The following SSX1 variants were observed in gnomAD, a reference collection of about 807,000 sequenced individuals.
SSX1 encodes the protein protein SSX1.
SSX1 carries 58 observed loss-of-function variants against 14.6 expected under a neutral mutation model. The observed-to-expected ratio is 3.96, with a 90% CI of 3.21 to 4.93. The LOEUF (loss-of-function observed/expected upper bound fraction) is 4.93. Ranked by LOEUF, SSX1 falls within the 30% of genes most tolerant of loss-of-function variation. The probability of loss-of-function intolerance (pLI) is 0.00; values close to 1 mark genes in which losing one functional copy is unlikely to be tolerated. For missense variants in SSX1, 272 were observed against 143.1 expected (o/e 1.90, Z -4.60); for synonymous variants, 46 against 52.1 (o/e 0.88, Z 0.50).
Position 48,266,392 on chromosome X carries a change from G to C in SSX1, c.*4+1G>C. On this transcript the variant is annotated splice_donor_variant, in intron 7 of 7. Coordinates refer to ENST00000376919, the MANE Select transcript of SSX1 (RefSeq NM_005635.4). LOFTEE classifies it low-confidence loss of function (3UTR_SPLICE). Reference sequence around the variant, plus strand: ...CCTGAGGAAGATGACGAGTAACTCCGTAAGTGAACCTTCGGCTCACCCTCC... The same window carrying C: ...CCTGAGGAAGATGACGAGTAACTCCCTAAGTGAACCTTCGGCTCACCCTCC... 8.3e-7 allele frequency: 1 copy of C among 1,210,207 alleles called. No individual in the cohort carries two copies. Among genetic ancestry groups the C allele is most frequent in the Non-Finnish European group, 1.1e-6 (1 of 895,353 alleles).
rs781826294 is a variant in SSX1, at chrX:48,263,937, G to A, written c.466+20G>A. ...GATCTGGTAAGAGGAAATGATTTGGGAACAACTTCTCTGGCTTTTCTGGCT... is the reference window on the plus strand; with the variant it reads ...GATCTGGTAAGAGGAAATGATTTGGAAACAACTTCTCTGGCTTTTCTGGCT... On this transcript the variant is annotated intron_variant, in intron 6 of 7. Coordinates refer to ENST00000376919, the MANE Select transcript of SSX1 (RefSeq NM_005635.4). 11 of 1,207,194 alleles carry A rather than the reference G, an allele frequency of 9.1e-6. No individual in the cohort carries two copies. Among genetic ancestry groups the A allele is most frequent in the Non-Finnish European group, 1.0e-5 (9 of 893,121 alleles).
At position 48,267,312 on chromosome X, in the gene SSX1, C is replaced by A. The variant is rs1240259547; in HGVS notation, c.*463C>A. 1.1e-5 allele frequency: 2 copies of A among 185,574 alleles called. No homozygotes were observed. Among genetic ancestry groups the A allele is most frequent in the Non-Finnish European group, 2.0e-5 (2 of 101,239 alleles). 15.3% of individuals were successfully genotyped at this position (185,574 alleles called of 1,213,427 possible). A position where few individuals can be genotyped will look rare whatever the true frequency, so the allele number is the denominator to read the frequency against. On this transcript the variant is annotated 3_prime_UTR_variant, in exon 8 of 8. Coordinates refer to ENST00000376919, the MANE Select transcript of SSX1 (RefSeq NM_005635.4). ...ACACACCAAGTACCAGTATAAGCAT[C>A]TCCCATCTGCTTTTCCCATTGCCAT...
At chrX:48,262,992 G>A (rs2059610107) in intron 5 of SSX1, among the ~76,000 whole-genome samples, 1 of 110,508 alleles carries the variant, frequency 9.0e-6, no homozygotes, top group Non-Finnish European at 1.9e-5. Context: ...AACTTAGCAG[G>A]GCGTGGTAGC....
intron 1 of SSX1, among the ~76,000 whole-genome samples, chrX:48,256,085 G>C (rs1411820135): frequency 9.5e-6 from 1 of 104,816 alleles, no homozygotes; most frequent in Non-Finnish European, 2.0e-5. Context: ...GCCGAACTGG[G>C]CTTGACCTCC....
rs1556935920 is a variant in SSX1, at chrX:48,263,772, C to G, written c.331-10C>G. On this transcript the variant is annotated splice_polypyrimidine_tract_variant and intron_variant, in intron 5 of 7. Coordinates refer to ENST00000376919, the MANE Select transcript of SSX1 (RefSeq NM_005635.4). ...TGATACTGTTTATCTGTAACCTTCA[C>G]ATTATAAAGATCATGCCCAAGAAGC... The G allele has an allele frequency of 2.5e-6, 3 of 1,210,733 alleles. No individual in the cohort carries two copies. In the East Asian group the frequency reaches 8.9e-5, roughly 36 times the overall value.
At position 48,263,821 on chromosome X, in the gene SSX1, A is replaced by T. The variant is rs1367942348; in HGVS notation, c.370A>T (p.Lys124Ter). ...KKPAEDENDS[K>*]GVSEASGPQN... ...GCCAGCAGAGGACGAAAATGATTCG[A>T]AGGGAGTGTCAGAAGCATCTGGCCC... Residue 124 changes from lysine to a stop codon, truncating the protein, a stop_gained, in exon 6 of 8, where the codon AAG becomes TAG. Transcript: ENST00000376919. LOFTEE classifies it high-confidence loss of function. 1 of 1,211,835 alleles carries T rather than the reference A, an allele frequency of 8.3e-7. No individual in the cohort carries two copies. Among genetic ancestry groups the T allele is most frequent in the Non-Finnish European group, 1.1e-6 (1 of 895,431 alleles).
chrX:48,261,642 A>G, intron 4 of SSX1, 124 bp from the exon 5 acceptor site: 1 of 780,697 alleles, frequency 1.3e-6, no homozygotes, highest in South Asian at 2.3e-5. Context: ...GCAAATCTCA[A>G]ATAACTCCTC....
chrX:48,263,754 G>A (rs2059613055), intron 5 of SSX1, 28 bp from the exon 6 acceptor site: 1 of 1,209,422 alleles, frequency 8.3e-7, no homozygotes. Flanking sequence ...CACTGATACT[G>A]TTTATCTGTA....
chrX:48,266,859 G>A lies in SSX1; in HGVS notation c.*10G>A. On this transcript the variant is annotated 3_prime_UTR_variant, in exon 8 of 8. Coordinates refer to ENST00000376919, the MANE Select transcript of SSX1 (RefSeq NM_005635.4). ...CTTCCCTCTTCTCGCCTCAGCCTGG[G>A]GGATACGACACATGCCCTTGATGAG... The A allele has an allele frequency of 9.2e-7, 1 of 1,085,533 alleles. No homozygotes were observed. Among genetic ancestry groups the A allele is most frequent in the South Asian group, 1.8e-5 (1 of 54,676 alleles). The allele number at this position is 1,085,533 out of a possible 1,213,427, so 89.5% of individuals were successfully genotyped here.
chrX:48,265,368 C>T (rs1344652092), intron 6 of SSX1, among the ~76,000 whole-genome samples: 5 of 111,761 alleles, frequency 4.5e-5, no homozygotes, highest in African/African-American at 1.3e-4. Context: ...TGAGAGAATG[C>T]GACTCTTCCT....
chrX:48,258,727 T>C, intron 4 of SSX1, 96 bp downstream of exon 4: 3 of 706,474 alleles, frequency 4.2e-6, no homozygotes, highest in Non-Finnish European at 6.5e-6. Context: ...TGTTCCCTCA[T>C]ACACATCAGG....
chrX:48,257,278 G>T lies in SSX1; in HGVS notation c.37G>T (p.Asp13Tyr), dbSNP rs782688674. ...GDDTFAKRPR[D>Y]DAKASEKRSK... is the part of the protein sequence containing the mutation. ...CGACACCTTTGCAAAGAGACCCAGG[G>T]ATGATGCTAAAGCATCAGAGAAGAG... Residue 13 changes from aspartate to tyrosine, a missense_variant, in exon 2 of 8, where the codon GAT becomes TAT. Physicochemically the swap from Asp to Tyr is radical, Grantham distance 160. Coordinates refer to ENST00000376919, the MANE Select transcript of SSX1 (RefSeq NM_005635.4). The T allele has an allele frequency of 1.7e-6, 2 of 1,211,223 alleles. No individual in the cohort carries two copies. The highest frequency in any genetic ancestry group is 1.8e-5 in the South Asian group (1 of 56,976).
intron 5 of SSX1, among the ~76,000 whole-genome samples, chrX:48,262,591 C>G (rs1463440716): frequency 1.8e-5 from 2 of 111,399 alleles, no homozygotes; most frequent in Admixed American, 1.9e-4. Context: ...GCCCCAGTCC[C>G]AGCCCAGGGG....
rs782507294 is a variant in SSX1, at chrX:48,262,453, G to A, written c.330+638G>A. ...TGCTTCCATTGAGACACCCACTCTC[G>A]CAACAGGAAGGACCAGCTGGCCTCT... On this transcript the variant is annotated intron_variant, in intron 5 of 7. Transcript: ENST00000376919. Among the ~76,000 whole-genome samples, 11 of 111,825 alleles carry A rather than the reference G, an allele frequency of 9.8e-5. No individual in the cohort carries two copies. In the East Asian group the frequency reaches 2.0e-3, roughly 20 times the overall value.
intron 6 of SSX1, among the ~76,000 whole-genome samples, 192 bp downstream of exon 6, chrX:48,264,109 C>G (rs2059615014): frequency 1.8e-5 from 2 of 111,949 alleles, no homozygotes; most frequent in Non-Finnish European, 3.8e-5. Context: ...TATAAAAAAC[C>G]ACGTGACTTG....
chrX:48,256,704 C>T (rs1251636797), intron 1 of SSX1, among the ~76,000 whole-genome samples: 1 of 109,422 alleles, frequency 9.1e-6, no homozygotes, highest in African/African-American at 3.3e-5. Flanking sequence ...ACAAATAACC[C>T]AGTAATAGCT....
intron 5 of SSX1, among the ~76,000 whole-genome samples, chrX:48,262,475 C>G: frequency 8.9e-6 from 1 of 111,981 alleles, no homozygotes; most frequent in Non-Finnish European, 1.9e-5. Flanking sequence ...ACCAGCTGGC[C>G]TCTGCTCTGT....
intron 1 of SSX1, among the ~76,000 whole-genome samples, chrX:48,256,730 A>T (rs782237529): frequency 5.9e-5 from 6 of 102,401 alleles, no homozygotes; most frequent in Admixed American, 2.1e-4. Flanking sequence ...ATCTGTTCAT[A>T]TTAGTGAAGG....
At chrX:48,258,025 G>A (rs2059589477) in intron 3 of SSX1, among the ~76,000 whole-genome samples, 165 bp downstream of exon 3, 1 of 109,421 alleles carries the variant, frequency 9.1e-6, no homozygotes, top group South Asian at 4.1e-4. Context: ...TCCTGTCAGA[G>A]CTGAGGGCAG....
Sources: allele counts gnomAD v4.1 joint callset (sites outside exome capture counted in the v4.1 genomes callset), GRCh38; gene constraint gnomAD v4.1.1; transcripts MANE v1.5; gene names NCBI Gene and HGNC (gene_info 2026-07-23, HGNC 2026-07-21).